NAPB: variants seen among roughly 807,000 people sequenced by gnomAD.
NAPB encodes the protein NSF attachment protein beta, also known as beta-soluble NSF attachment protein.
In NAPB, 26 loss-of-function variants were observed where a neutral mutation model predicts 44.7. The ratio of observed to expected loss-of-function variants is 0.58; its 90% confidence interval spans 0.43 to 0.81. NAPB has a LOEUF of 0.81. Among genes scored for constraint, NAPB ranks in the 30% least tolerant of loss-of-function variants. The pLI, the probability that NAPB is intolerant of heterozygous loss-of-function variation, is 0.00. For synonymous variants in NAPB, 120 were observed against 116.8 expected, an observed-to-expected ratio of 1.03 and a Z score of -0.18; for missense variants, 315 against 356.4, an observed-to-expected ratio of 0.88 and a Z score of 0.94.
chr20:23,384,946 C>A (rs1224673706), intron 7 of NAPB, among the ~76,000 whole-genome samples: 1 of 152,094 alleles, frequency 6.6e-6, no homozygotes. Context: ...TGGTGAAATC[C>A]TGTCTCTACT....
chr20:23,410,671 CCT>C (rs149389755), intron 1 of NAPB, among the ~76,000 whole-genome samples: 1,813 of 151,946 alleles, frequency 0.012, 31 homozygotes, highest in African/African-American at 0.04. Context: ...ATATGTACCC[CCT>C]GACTCTAAAA....
intron 1 of NAPB, among the ~76,000 whole-genome samples, chr20:23,413,634 A>G (rs1985803519): frequency 6.6e-6 from 1 of 152,190 alleles, no homozygotes; most frequent in African/African-American, 2.4e-5. Context: ...ACAAAAATAA[A>G]GTGACAGAAG....
intron 2 of NAPB, among the ~76,000 whole-genome samples, chr20:23,399,872 G>T (rs151316116): frequency 1.6e-4 from 24 of 152,282 alleles, no homozygotes; most frequent in African/African-American, 5.8e-4. Context: ...CATTACACAC[G>T]GTGGCCACTT....
intron 1 of NAPB, among the ~76,000 whole-genome samples, chr20:23,418,958 A>T (rs1178175804): frequency 6.6e-6 from 1 of 152,078 alleles, no homozygotes; most frequent in East Asian, 1.9e-4. Context: ...AAAAAAAAAA[A>T]TCAATGATGC....
chr20:23,389,826 C>T (rs1449972303), intron 7 of NAPB, 120 bp downstream of exon 7: 8 of 785,140 alleles, frequency 1.0e-5, no homozygotes, highest in East Asian at 5.1e-5. Flanking sequence ...GACTAAAAAC[C>T]GCTGAACTGT....
At position 23,406,437 on chromosome 20, in the gene NAPB, G is replaced by A. The variant is rs6106650; in HGVS notation, c.99-3365C>T. On this transcript the variant is annotated intron_variant, in intron 1 of 10. Coordinates refer to ENST00000377026, the MANE Select transcript of NAPB (RefSeq NM_022080.3). ...TACATTTTAAATCAGTGAATTGTAC[G>A]GTATGTGTATTAAATCTCAATAAAA... Among the ~76,000 whole-genome samples the A allele has an allele frequency of 2.8e-3, 428 of 151,942 alleles. 2 individuals carry two copies. The highest frequency in any genetic ancestry group is 4.7e-3 in the Non-Finnish European group (319 of 67,988).
intron 7 of NAPB, among the ~76,000 whole-genome samples, chr20:23,385,065 G>T (rs1336724931): frequency 6.6e-6 from 1 of 152,024 alleles, no homozygotes; most frequent in Non-Finnish European, 1.5e-5. Flanking sequence ...GTTGCAGTGA[G>T]CCAAAATCAC....
At chr20:23,395,547 A>C (rs1334327454) in intron 3 of NAPB, among the ~76,000 whole-genome samples, 2 of 152,220 alleles carry the variant, frequency 1.3e-5, no homozygotes, top group Non-Finnish European at 2.9e-5. Flanking sequence ...GAATGCAAAC[A>C]TATTCCTCAT....
intron 7 of NAPB, among the ~76,000 whole-genome samples, chr20:23,388,292 C>T (rs1028672061): frequency 2.0e-5 from 3 of 152,078 alleles, no homozygotes; most frequent in Non-Finnish European, 2.9e-5. Flanking sequence ...TACACCCCTA[C>T]ACCTCTTATT....
Position 23,398,653 on chromosome 20 carries a change from C to A in NAPB, c.179-1465G>T, listed in dbSNP as rs542458013. On this transcript the variant is annotated intron_variant, in intron 2 of 10. Coordinates refer to ENST00000377026, the MANE Select transcript of NAPB (RefSeq NM_022080.3). ...GTCAGGAGTTCGAGACCAGCCTGGC[C>A]TGAACATAGCGAAACCCTGTCTCTA... Among the ~76,000 whole-genome samples, 7 of 152,090 alleles carry A rather than the reference C, an allele frequency of 4.6e-5. No homozygotes were observed. In the East Asian group the frequency reaches 5.8e-4, roughly 13 times the overall value.
chr20:23,410,555 A>G (rs1985582382), intron 1 of NAPB, among the ~76,000 whole-genome samples: 1 of 152,234 alleles, frequency 6.6e-6, no homozygotes, highest in Non-Finnish European at 1.5e-5. Flanking sequence ...GTATGGGGAG[A>G]GAAACAGTTG....
At chr20:23,415,751 G>T (rs1985963503) in intron 1 of NAPB, among the ~76,000 whole-genome samples, 1 of 152,002 alleles carries the variant, frequency 6.6e-6, no homozygotes, top group Non-Finnish European at 1.5e-5. Context: ...CAGATCGCTT[G>T]AGTCCCGGAG....
chr20:23,406,692 G>C (rs1023060688), intron 1 of NAPB, among the ~76,000 whole-genome samples: 2 of 151,968 alleles, frequency 1.3e-5, no homozygotes, highest in Non-Finnish European at 1.5e-5. Context: ...TTCCTCACAT[G>C]AAAACATTCT....
chr20:23,379,520 A>G (rs781384232), intron 9 of NAPB, 25 bp from the exon 10 acceptor site: 1 of 1,576,206 alleles, frequency 6.3e-7, no homozygotes, highest in Admixed American at 1.8e-5. Flanking sequence ...ATATTTTAAA[A>G]AACAGTTCTG....
At chr20:23,379,247 T>G (rs138511386) in intron 10 of NAPB, 198 bp downstream of exon 10, 4,769 of 469,982 alleles carry the variant, frequency 0.01, 41 homozygotes, top group Non-Finnish European at 0.014. Context: ...TAGTTTTGAG[T>G]GTAAGTCGAA....
intron 2 of NAPB, among the ~76,000 whole-genome samples, chr20:23,399,737 C>T (rs1456491647): frequency 1.3e-5 from 2 of 152,192 alleles, no homozygotes; most frequent in Non-Finnish European, 2.9e-5. Context: ...TGGGGCAGCA[C>T]TTAACCATGA....
At chr20:23,419,732 A>C (rs1482491400) in intron 1 of NAPB, among the ~76,000 whole-genome samples, 1 of 152,250 alleles carries the variant, frequency 6.6e-6, no homozygotes, top group Non-Finnish European at 1.5e-5. Flanking sequence ...ATTCATAGCT[A>C]TATCTCCTAC....
At chr20:23,412,020 G>A (rs1466519627) in intron 1 of NAPB, among the ~76,000 whole-genome samples, 5 of 152,116 alleles carry the variant, frequency 3.3e-5, no homozygotes, top group African/African-American at 1.2e-4. Flanking sequence ...ATGGTCAAAA[G>A]TATACCAAAC....
intron 5 of NAPB, among the ~76,000 whole-genome samples, chr20:23,393,348 T>C (rs1349110331): frequency 1.3e-5 from 2 of 152,188 alleles, no homozygotes; most frequent in Middle Eastern, 3.4e-3. Flanking sequence ...GTAACAAATA[T>C]GAGCAAATTT....
Sources: gnomAD v4.1 joint callset for allele counts (sites outside exome capture counted in the v4.1 genomes callset) on GRCh38, gnomAD v4.1.1 for gene constraint, MANE v1.5 for transcripts, NCBI Gene and HGNC (gene_info 2026-07-23, HGNC 2026-07-21) for gene names.